The following PTPRG variants were observed in gnomAD, a reference collection of about 807,000 sequenced individuals.
The protein encoded by PTPRG is protein tyrosine phosphatase receptor type G.
A neutral mutation model predicts 165.3 loss-of-function variants in PTPRG; 102 were observed. That is an observed-to-expected ratio of 0.62 (90% CI 0.53 to 0.73). The LOEUF (loss-of-function observed/expected upper bound fraction) is 0.73, where lower values mean the gene tolerates loss of function less well. PTPRG is among the 30% of genes least tolerant of loss of function. PTPRG has a pLI of 0.00. For synonymous variants in PTPRG, 675 were observed against 669.5 expected (o/e 1.01, Z -0.13); for missense variants, 1,866 against 1,861.4 (o/e 1.00, Z -0.05).
intron 2 of PTPRG, among the ~76,000 whole-genome samples, chr3:61,867,434 CT>C (rs570179742): frequency 6.6e-6 from 1 of 152,142 alleles, no homozygotes; most frequent in South Asian, 2.1e-4. Context: ...CAAGGCGAGT[CT>C]TTTCCCCTCT....
At chr3:62,045,127 T>C (rs1700248203) in intron 4 of PTPRG, among the ~76,000 whole-genome samples, 1 of 152,172 alleles carries the variant, frequency 6.6e-6, no homozygotes, top group African/African-American at 2.4e-5. Flanking sequence ...AGCTTTGCAA[T>C]TGAAAGGTAG....
At chr3:62,193,302 G>A (rs1364170064) in intron 9 of PTPRG, among the ~76,000 whole-genome samples, 97 of 152,290 alleles carry the variant, frequency 6.4e-4, no homozygotes, top group Non-Finnish European at 1.5e-5. Flanking sequence ...TGAAGATTTC[G>A]CTCTGAACAG....
intron 1 of PTPRG, among the ~76,000 whole-genome samples, chr3:61,570,942 G>T (rs1241512177): frequency 6.6e-6 from 1 of 152,116 alleles, no homozygotes; most frequent in Admixed American, 6.5e-5. Flanking sequence ...GTTGGGTGGC[G>T]CTGGGGCTCT....
intron 4 of PTPRG, among the ~76,000 whole-genome samples, 196 bp from the exon 5 acceptor site, chr3:62,077,967 C>G (rs1357856632): frequency 7.0e-6 from 1 of 143,686 alleles, no homozygotes; most frequent in African/African-American, 2.6e-5. Context: ...CACTGCAGTC[C>G]AGCGTGGGCA....
chr3:61,709,336 A>T (rs1419418297), intron 1 of PTPRG, among the ~76,000 whole-genome samples: 4 of 151,916 alleles, frequency 2.6e-5, no homozygotes, highest in Non-Finnish European at 4.4e-5. Context: ...TTTTTTTGAA[A>T]TGGGGTCTCG....
At chr3:61,950,203 A>C (rs1460858203) in intron 2 of PTPRG, among the ~76,000 whole-genome samples, 1 of 151,976 alleles carries the variant, frequency 6.6e-6, no homozygotes, top group Non-Finnish European at 1.5e-5. Context: ...GCCTGTGCTG[A>C]ATTCTTTTGT....
intron 2 of PTPRG, among the ~76,000 whole-genome samples, chr3:61,978,446 C>T (rs971581513): frequency 6.6e-6 from 1 of 151,960 alleles, no homozygotes; most frequent in Non-Finnish European, 1.5e-5. Context: ...TGAAGTTTGT[C>T]CTAGAGTAAG....
At chr3:61,663,799 G>T (rs1454932646) in intron 1 of PTPRG, among the ~76,000 whole-genome samples, 3 of 152,076 alleles carry the variant, frequency 2.0e-5, no homozygotes, top group African/African-American at 7.2e-5. Flanking sequence ...TCCCTCACGT[G>T]CACAGCCCAT....
intron 5 of PTPRG, among the ~76,000 whole-genome samples, chr3:62,122,456 A>C (rs1178230546): frequency 1.3e-5 from 2 of 152,194 alleles, no homozygotes; most frequent in African/African-American, 2.4e-5. Flanking sequence ...CCAAGAAAGC[A>C]CAGAGTAAAA....
chr3:62,109,331 G>C (rs1249123225), intron 5 of PTPRG, among the ~76,000 whole-genome samples: 1 of 152,114 alleles, frequency 6.6e-6, no homozygotes, highest in East Asian at 1.9e-4. Flanking sequence ...TGTGTGTCAG[G>C]TTTGTCAAAG....
At chr3:62,062,019 G>T (rs940003489) in intron 4 of PTPRG, among the ~76,000 whole-genome samples, 2 of 152,124 alleles carry the variant, frequency 1.3e-5, no homozygotes, top group South Asian at 4.1e-4. Context: ...AGTATGGGGG[G>T]GCGGGCGTGG....
intron 2 of PTPRG, among the ~76,000 whole-genome samples, chr3:61,822,826 G>T (rs1284094308): frequency 6.6e-6 from 1 of 152,178 alleles, no homozygotes; most frequent in Admixed American, 6.5e-5. Flanking sequence ...CACAGTAGGA[G>T]AATTTCTTCT....
intron 5 of PTPRG, among the ~76,000 whole-genome samples, chr3:62,080,252 T>G (rs1292055477): frequency 2.0e-5 from 3 of 151,264 alleles, no homozygotes; most frequent in Non-Finnish European, 3.0e-5. Flanking sequence ...TTTTTTGTAT[T>G]TTTAGTAGAG....
At chr3:61,831,117 C>T (rs939530691) in intron 2 of PTPRG, among the ~76,000 whole-genome samples, 5 of 152,200 alleles carry the variant, frequency 3.3e-5, no homozygotes, top group Non-Finnish European at 7.3e-5. Flanking sequence ...CTTTAGTGAT[C>T]CATCTATTTA....
intron 5 of PTPRG, among the ~76,000 whole-genome samples, chr3:62,100,883 G>A (rs1257221347): frequency 6.6e-6 from 1 of 152,124 alleles, no homozygotes; most frequent in African/African-American, 2.4e-5. Context: ...TTTTGCTGGT[G>A]AGAAGTAGAA....
At position 62,282,965 on chromosome 3, in the gene PTPRG, A is replaced by G. The variant is rs147746087; in HGVS notation, c.4055+96A>G. ...AAAGGAAGCCAGAATTTTAAAACCT[A>G]TCAACAACCTCAGCTTGTGACAACT... is the stretch of plus-strand genomic sequence containing the variant. On this transcript the variant is annotated intron_variant, in intron 28 of 29. Coordinates refer to ENST00000474889, the MANE Select transcript of PTPRG (RefSeq NM_002841.4). 7.1e-3 allele frequency: 8,019 copies of G among 1,131,306 alleles called. 38 individuals carry two copies. Among genetic ancestry groups the G allele is most frequent in the Middle Eastern group, 0.014 (68 of 4,856 alleles). 70.1% of individuals were successfully genotyped at this position (1,131,306 alleles called of 1,614,324 possible). A position where few individuals can be genotyped will look rare whatever the true frequency, so the allele number is the denominator to read the frequency against.
At chr3:61,672,031 T>C (rs1274243624) in intron 1 of PTPRG, among the ~76,000 whole-genome samples, 1 of 128,136 alleles carries the variant, frequency 7.8e-6, no homozygotes, top group African/African-American at 3.2e-5. Flanking sequence ...GAGGGTCTCC[T>C]CACTTCTCAG....
chr3:61,794,246 G>T (rs1001325695), intron 2 of PTPRG, among the ~76,000 whole-genome samples: 6 of 151,920 alleles, frequency 3.9e-5, no homozygotes, highest in South Asian at 2.1e-4. Context: ...CTTGTGTGTG[G>T]GGGGTATCTT....
intron 2 of PTPRG, among the ~76,000 whole-genome samples, chr3:61,933,240 C>T (rs2039404952): frequency 6.6e-6 from 1 of 152,164 alleles, no homozygotes; most frequent in South Asian, 2.1e-4. Flanking sequence ...TCCTAAAAAC[C>T]TGGTGGTGAA....
Sources: allele counts gnomAD v4.1 joint callset (sites outside exome capture counted in the v4.1 genomes callset), GRCh38; gene constraint gnomAD v4.1.1; transcripts MANE v1.5; gene names NCBI Gene and HGNC (gene_info 2026-07-23, HGNC 2026-07-21).